The following PCDHGB6 variants were observed in gnomAD, a reference collection of about 807,000 sequenced individuals.
PCDHGB6 encodes protocadherin gamma-B6.
A neutral mutation model predicts 59.1 loss-of-function variants in PCDHGB6; 51 were observed. That is an observed-to-expected ratio of 0.86 (90% CI 0.69 to 1.09). The LOEUF (loss-of-function observed/expected upper bound fraction) is 1.09. PCDHGB6 is among the 50% of genes least tolerant of loss of function. The pLI is 0.00. For synonymous variants in PCDHGB6, 466 were observed against 495.1 expected, an observed-to-expected ratio of 0.94 and a Z score of 0.78; for missense variants, 1,148 against 1,205.1, an observed-to-expected ratio of 0.95 and a Z score of 0.70.
At chr5:141,456,312 G>A (rs1036961015) in intron 1 of PCDHGB6, among the ~76,000 whole-genome samples, 2 of 152,126 alleles carry the variant, frequency 1.3e-5, no homozygotes, top group African/African-American at 4.8e-5. Flanking sequence ...AGCAGCTAGG[G>A]CTCCTCCTGG....
intron 1 of PCDHGB6, chr5:141,414,552 C>G: frequency 6.2e-7 from 1 of 1,613,984 alleles, no homozygotes; most frequent in Non-Finnish European, 8.5e-7. Context: ...TCTCTCAAGT[C>G]TCCTACTTTA....
intron 1 of PCDHGB6, among the ~76,000 whole-genome samples, chr5:141,483,679 CAGAA>C (rs1470395939): frequency 6.7e-6 from 1 of 149,028 alleles, no homozygotes; most frequent in Non-Finnish European, 1.5e-5. Flanking sequence ...TAAAAGAACA[CAGAA>C]AGCCAGATTC....
rs1330659052 is a variant in PCDHGB6, at chr5:141,490,012, G to T, written c.2419-4795G>T. On this transcript the variant is annotated intron_variant, in intron 1 of 3. Transcript: ENST00000520790. The surrounding 1 kb of genome is among the most constrained non-coding windows in gnomAD (Gnocchi z 5.4). ...GGGAATCCCAGAGAATGCACCCATT[G>T]GTACTCTGCTGCTCCGCCTCAATGC... The T allele has an allele frequency of 1.2e-6, 2 of 1,614,232 alleles. No homozygotes were observed. Among genetic ancestry groups the T allele is most frequent in the East Asian group, 4.5e-5 (2 of 44,888 alleles).
rs1407016089 is a variant in PCDHGB6 at position 141,489,914 on chromosome 5, C to T, written c.2419-4893C>T. On this transcript the variant is annotated intron_variant, in intron 1 of 3. Coordinates refer to ENST00000520790, the MANE Select transcript of PCDHGB6 (RefSeq NM_018926.3). The surrounding 1 kb of genome is among the most constrained non-coding windows in gnomAD (Gnocchi z 4.5). Reference sequence around the variant, plus strand: ...GGGGGGACCCCAGCCCGCTCAGGGACCACCCTTATCTCTGTCATCGTGCTG... The same window carrying T: ...GGGGGGACCCCAGCCCGCTCAGGGATCACCCTTATCTCTGTCATCGTGCTG... 3 of 1,614,094 alleles carry T rather than the reference C, an allele frequency of 1.9e-6. No individual in the cohort carries two copies. Among genetic ancestry groups the T allele is most frequent in the African/African-American group, 2.7e-5 (2 of 74,936 alleles).
At chr5:141,427,773 C>T (rs1285483564) in intron 1 of PCDHGB6, 1 of 1,414,460 alleles carries the variant, frequency 7.1e-7, no homozygotes, top group Non-Finnish European at 9.9e-7. Flanking sequence ...CTTGGAGCTG[C>T]GGGCACTGTC....
At position 141,432,673 on chromosome 5, in the gene PCDHGB6, C is replaced by A. The variant is rs770930842; in HGVS notation, c.2418+22053C>A. 5 of 1,613,922 alleles carry A rather than the reference C, an allele frequency of 3.1e-6. No homozygotes were observed. Among genetic ancestry groups the A allele is most frequent in the Non-Finnish European group, 4.2e-6 (5 of 1,179,960 alleles). On this transcript the variant is annotated intron_variant, in intron 1 of 3. Coordinates refer to ENST00000520790, the MANE Select transcript of PCDHGB6 (RefSeq NM_018926.3). This position sits in a 1 kb window ranked among gnomAD's most constrained non-coding sequence, Gnocchi z 6.0. ...GAGCCCTGCTGGACAGAGACGCGCTCAAGCAGAGCCTCGTAGTGGCCGTCC... is the reference window on the plus strand; with the variant it reads ...GAGCCCTGCTGGACAGAGACGCGCTAAAGCAGAGCCTCGTAGTGGCCGTCC...
At chr5:141,419,457 A>AGGCCCGCGACCAGGGCT in intron 1 of PCDHGB6, 2 of 1,612,728 alleles carry the variant, frequency 1.2e-6, no homozygotes, top group Non-Finnish European at 1.7e-6. Context: ...CTCACGCTGC[A>AGGCCCGCGACCAGGGCT]GGCCCGCGAC....
At chr5:141,428,008 T>C (rs2097099623) in intron 1 of PCDHGB6, 4 of 1,601,848 alleles carry the variant, frequency 2.5e-6, no homozygotes, top group Admixed American at 3.3e-5. Context: ...CTCTTCGATA[T>C]AGTGCCACGC....
intron 3 of PCDHGB6, among the ~76,000 whole-genome samples, chr5:141,510,117 T>C (rs1205620535): frequency 6.6e-6 from 1 of 151,908 alleles, no homozygotes; most frequent in East Asian, 1.9e-4. Context: ...TGTTTTGAAA[T>C]ACAAAAATTA....
rs2099684984 is a variant in PCDHGB6 at position 141,489,278 on chromosome 5, G to A, written c.2419-5529G>A. ...ACACTCCCACAGCTCGCTGGGAAAT[G>A]GCAAGTGCTGTGCATGTTGTCCTTG... is the stretch of plus-strand genomic sequence containing the variant. On this transcript the variant is annotated intron_variant, in intron 1 of 3. Transcript: ENST00000520790. The surrounding 1 kb of genome is among the most constrained non-coding windows in gnomAD (Gnocchi z 4.5). The A allele has an allele frequency of 6.4e-7, 1 of 1,561,298 alleles. No homozygotes were observed. The highest frequency in any genetic ancestry group is 2.2e-5 in the East Asian group (1 of 44,520).
intron 1 of PCDHGB6, among the ~76,000 whole-genome samples, chr5:141,443,514 C>T (rs1386662758): frequency 6.6e-6 from 1 of 152,056 alleles, no homozygotes; most frequent in Non-Finnish European, 1.5e-5. Flanking sequence ...AAGAGCTTCT[C>T]TCCTTATGAC....
chr5:141,468,067 G>A (rs560511893), intron 1 of PCDHGB6, among the ~76,000 whole-genome samples: 34 of 152,032 alleles, frequency 2.2e-4, no homozygotes, highest in Non-Finnish European at 4.0e-4. Flanking sequence ...GCTCACACCT[G>A]TAATCCCAGC....
At chr5:141,454,931 C>T (rs2154564856) in intron 1 of PCDHGB6, among the ~76,000 whole-genome samples, 2 of 151,066 alleles carry the variant, frequency 1.3e-5, no homozygotes, top group South Asian at 4.2e-4. Context: ...CCTCAGCCTC[C>T]CGAGTAGCTG....
At position 141,487,147 on chromosome 5, in the gene PCDHGB6, T is replaced by C; in HGVS notation, c.2419-7660T>C. 1 of 1,614,122 alleles carries C rather than the reference T, an allele frequency of 6.2e-7. No individual in the cohort carries two copies. Among genetic ancestry groups the C allele is most frequent in the Non-Finnish European group, 8.5e-7 (1 of 1,179,952 alleles). On this transcript the variant is annotated intron_variant, in intron 1 of 3. Transcript: ENST00000520790. This position sits in a 1 kb window ranked among gnomAD's most constrained non-coding sequence, Gnocchi z 5.0. ...GTGGTAGTCCACCACTCTCTACCTC[T>C]GTTACTCTCTTAGTGTCCTTAGAGG...
intron 1 of PCDHGB6, among the ~76,000 whole-genome samples, chr5:141,437,686 G>A (rs1025629140): frequency 2.6e-5 from 4 of 151,740 alleles, no homozygotes; most frequent in African/African-American, 9.7e-5. Flanking sequence ...AACTGATGAG[G>A]CTAAATCTCA....
chr5:141,422,987 A>AG, intron 1 of PCDHGB6: 1 of 1,614,168 alleles, frequency 6.2e-7, no homozygotes. Context: ...GAACCTGGCT[A>AG]CCTGGTGACC....
intron 1 of PCDHGB6, chr5:141,415,308 C>T: frequency 6.2e-7 from 1 of 1,614,236 alleles, no homozygotes; most frequent in Non-Finnish European, 8.5e-7. Flanking sequence ...TCCTGGCCTT[C>T]GTCATCGTGC....
Position 141,419,433 on chromosome 5 carries a change from T to C in PCDHGB6, c.2418+8813T>C, listed in dbSNP as rs1333004780. 11 of 1,613,246 alleles carry C rather than the reference T, an allele frequency of 6.8e-6. No individual in the cohort carries two copies. The highest frequency in any genetic ancestry group is 9.3e-6 in the Non-Finnish European group (11 of 1,179,828). On this transcript the variant is annotated intron_variant, in intron 1 of 3. Coordinates refer to ENST00000520790, the MANE Select transcript of PCDHGB6 (RefSeq NM_018926.3). ...CAGCGCGCCTTCGACCACGAGCAGC[T>C]GCGCACCTTCGAGCTCACGCTGCAG... is the stretch of plus-strand genomic sequence containing the variant.
intron 1 of PCDHGB6, among the ~76,000 whole-genome samples, chr5:141,464,934 G>T (rs1353581045): frequency 1.3e-5 from 2 of 151,416 alleles, no homozygotes; most frequent in African/African-American, 4.8e-5. Flanking sequence ...GAGATGTGAG[G>T]TCTCACTATG....
Sources: gnomAD v4.1 joint callset for allele counts (sites outside exome capture counted in the v4.1 genomes callset) on GRCh38, gnomAD v4.1.1 for gene constraint, Gnocchi (gnomAD v3.1) non-coding constraint, MANE v1.5 for transcripts, NCBI Gene and HGNC (gene_info 2026-07-23, HGNC 2026-07-21) for gene names.